MAP4K4: variants seen among roughly 807,000 people sequenced by gnomAD.
MAP4K4 encodes HPK/GCK-like kinase HGK.
MAP4K4 carries 38 observed loss-of-function variants against 189.6 expected under a neutral mutation model. The observed-to-expected ratio is 0.20, with a 90% CI of 0.15 to 0.26. The LOEUF (loss-of-function observed/expected upper bound fraction) is 0.26, where lower values mean the gene tolerates loss of function less well. MAP4K4 is among the 10% of genes least tolerant of loss of function. The pLI is 1.00. For synonymous variants in MAP4K4, 610 were observed against 624.3 expected (o/e 0.98, Z 0.34); for missense variants, 1,054 against 1,726.9 (o/e 0.61, Z 6.91).
intron 2 of MAP4K4, among the ~76,000 whole-genome samples, chr2:101,729,695 A>G (rs1026223977): frequency 6.6e-6 from 1 of 152,102 alleles, no homozygotes; most frequent in Admixed American, 6.6e-5. Context: ...CACTATGTCT[A>G]CACCCCTCCA....
chr2:101,776,766 G>A (rs1271672352), intron 2 of MAP4K4, among the ~76,000 whole-genome samples: 4 of 151,986 alleles, frequency 2.6e-5, no homozygotes, highest in East Asian at 1.9e-4. Context: ...AAGTGCAACC[G>A]TAAGAGGACA....
intron 2 of MAP4K4, among the ~76,000 whole-genome samples, chr2:101,705,186 C>T (rs35289675): frequency 0.042 from 6,436 of 152,204 alleles, 326 homozygotes; most frequent in Non-Finnish European, 0.051. Context: ...AAGTGAAAAA[C>T]GATTAACCAT....
chr2:101,813,532 A>G (rs2149194448), intron 3 of MAP4K4, among the ~76,000 whole-genome samples: 1 of 152,280 alleles, frequency 6.6e-6, no homozygotes, highest in East Asian at 1.9e-4. Flanking sequence ...TCTTTTTGGT[A>G]TCTGTGAATT....
intron 26 of MAP4K4, 37 bp from the exon 27 acceptor site, chr2:101,876,966 A>G (rs369990419): frequency 3.1e-5 from 50 of 1,610,514 alleles, no homozygotes; most frequent in African/African-American, 2.9e-4. Context: ...TGCCAAGCAC[A>G]GCATAAAATT....
chr2:101,889,297 T>C (rs1660603431), intron 32 of MAP4K4, among the ~76,000 whole-genome samples: 1 of 152,206 alleles, frequency 6.6e-6, no homozygotes, highest in African/African-American at 2.4e-5. Context: ...TTTGGGTACA[T>C]CAAAAGGTTC....
At chr2:101,745,214 C>T (rs1423119468) in intron 2 of MAP4K4, among the ~76,000 whole-genome samples, 1 of 151,416 alleles carries the variant, frequency 6.6e-6, no homozygotes, top group Non-Finnish European at 1.5e-5. Flanking sequence ...TGAAATAGAG[C>T]ATATGTAGCC....
intron 2 of MAP4K4, among the ~76,000 whole-genome samples, chr2:101,776,707 C>T (rs1055587320): frequency 2.0e-5 from 3 of 151,766 alleles, no homozygotes; most frequent in Admixed American, 1.3e-4. Flanking sequence ...TGGCTGTAAA[C>T]TCAGAGCCAA....
At chr2:101,773,166 A>T (rs759911451) in intron 2 of MAP4K4, among the ~76,000 whole-genome samples, 4 of 152,202 alleles carry the variant, frequency 2.6e-5, no homozygotes, top group Non-Finnish European at 4.4e-5. Context: ...GGCAGGAATT[A>T]TACCTGTTCT....
chr2:101,831,955 G>C, intron 7 of MAP4K4, 104 bp downstream of exon 7: 1 of 1,368,414 alleles, frequency 7.3e-7, no homozygotes, highest in Non-Finnish European at 9.9e-7. Flanking sequence ...TGCCTTTTCA[G>C]GGAGGAAGAC....
chr2:101,824,546 T>C (rs958990801), intron 4 of MAP4K4, among the ~76,000 whole-genome samples: 1 of 152,200 alleles, frequency 6.6e-6, no homozygotes, highest in African/African-American at 2.4e-5. Flanking sequence ...TTACCTCTTT[T>C]TGAACACATT....
At chr2:101,821,750 T>C (rs1485809293) in intron 3 of MAP4K4, among the ~76,000 whole-genome samples, 1 of 152,224 alleles carries the variant, frequency 6.6e-6, no homozygotes, top group African/African-American at 2.4e-5. Context: ...GTAAAAAATA[T>C]GCTTTCTTCA....
At chr2:101,763,831 A>G (rs1208844321) in intron 2 of MAP4K4, among the ~76,000 whole-genome samples, 1 of 152,194 alleles carries the variant, frequency 6.6e-6, no homozygotes, top group Non-Finnish European at 1.5e-5. Flanking sequence ...AATGCCTTTA[A>G]CTTAAAAAGC....
intron 2 of MAP4K4, among the ~76,000 whole-genome samples, chr2:101,740,595 A>G (rs1057011913): frequency 6.6e-6 from 1 of 152,192 alleles, no homozygotes; most frequent in Non-Finnish European, 1.5e-5. Context: ...TAAAAACTTG[A>G]AGCCATGCTT....
chr2:101,821,785 C>T (rs2096071738), intron 3 of MAP4K4, among the ~76,000 whole-genome samples: 1 of 152,170 alleles, frequency 6.6e-6, no homozygotes, highest in Non-Finnish European at 1.5e-5. Flanking sequence ...TACTGTAACT[C>T]TTACTTTATA....
At chr2:101,844,172 A>G in exon 12 of MAP4K4, 1 of 1,612,368 alleles carries the variant, frequency 6.2e-7, no homozygotes, top group Non-Finnish European at 8.5e-7. Context: ...GAGAACAAGG[A>G]ACGTTCCGAG....
intron 2 of MAP4K4, among the ~76,000 whole-genome samples, chr2:101,739,752 A>G (rs1367358158): frequency 6.6e-6 from 1 of 152,260 alleles, no homozygotes; most frequent in East Asian, 1.9e-4. Context: ...CACTTGGATT[A>G]GAGTTGTTAA....
chr2:101,829,511 C>T, exon 6 of MAP4K4: 1 of 1,607,734 alleles, frequency 6.2e-7, no homozygotes, highest in Non-Finnish European at 8.5e-7. Context: ...CAGGGACTGG[C>T]ACATCTTCAC....
At chr2:101,753,918 C>T (rs2070705603) in intron 2 of MAP4K4, among the ~76,000 whole-genome samples, 2 of 152,094 alleles carry the variant, frequency 1.3e-5, no homozygotes, top group African/African-American at 2.4e-5. Flanking sequence ...AAGTTCAACA[C>T]CCACCATGGC....
At chr2:101,883,762 T>TGTTGA (rs753279125) in intron 28 of MAP4K4, among the ~76,000 whole-genome samples, 34 of 152,100 alleles carry the variant, frequency 2.2e-4, no homozygotes, top group Non-Finnish European at 1.5e-4. Flanking sequence ...TTCCGAGGGA[T>TGTTGA]GTTGTCATGC....
Sources: allele counts gnomAD v4.1 joint callset (sites outside exome capture counted in the v4.1 genomes callset), GRCh38; gene constraint gnomAD v4.1.1; transcripts MANE v1.5; gene names NCBI Gene and HGNC (gene_info 2026-07-23, HGNC 2026-07-21).